Variants in BSPH1 observed in about 807,000 individuals in gnomAD.
BSPH1 encodes binder of sperm 1.
BSPH1 carries 21 observed loss-of-function variants against 22.5 expected under a neutral mutation model. The observed-to-expected ratio is 0.93, with a 90% confidence interval of 0.66 to 1.35. The LOEUF is 1.35. BSPH1 is among the 40% of genes most tolerant of loss of function. The pLI, the probability that BSPH1 is intolerant of heterozygous loss-of-function variation, is 0.00. For missense variants in BSPH1, 141 were observed against 154.2 expected, an observed-to-expected ratio of 0.91 and a Z score of 0.45; for synonymous variants, 42 against 53.6, an observed-to-expected ratio of 0.78 and a Z score of 0.95.
At chr19:47,986,111 C>A (rs564067645) in intron 1 of BSPH1, among the ~76,000 whole-genome samples, 1 of 152,294 alleles carries the variant, frequency 6.6e-6, no homozygotes, top group African/African-American at 2.4e-5. Flanking sequence ...GCAGTGGCCT[C>A]CCTATCGTGG....
intron 1 of BSPH1, among the ~76,000 whole-genome samples, chr19:47,982,808 A>T (rs901176501): frequency 1.9e-4 from 29 of 152,210 alleles, no homozygotes; most frequent in African/African-American, 7.0e-4. Context: ...ATGCCACCAC[A>T]TGGATGCACT....
chr19:47,978,037 G>GTTATAT (rs1969384719), intron 3 of BSPH1, among the ~76,000 whole-genome samples: 1 of 134,902 alleles, frequency 7.4e-6, no homozygotes, highest in Non-Finnish European at 1.6e-5. Context: ...TATAGTTATA[G>GTTATAT]GTGCATACAC....
rs575762926 is a variant in BSPH1, at chr19:47,973,551, T to A, written c.*2+3159A>T. Among the ~76,000 whole-genome samples the A allele has an allele frequency of 4.1e-4, 63 of 152,264 alleles. No homozygotes were observed. In the South Asian group the frequency reaches 0.013, roughly 31 times the overall value. On this transcript the variant is annotated intron_variant, in intron 5 of 5. Coordinates refer to ENST00000344839, the MANE Select transcript of BSPH1 (RefSeq NM_001128326.2). ...ATTTTATTCTGCAAATATTTTGAGGTTAAGAGAAAGGGGAAGCTGGTTGAA... is the reference window on the plus strand; with the variant it reads ...ATTTTATTCTGCAAATATTTTGAGGATAAGAGAAAGGGGAAGCTGGTTGAA...
chr19:47,985,078 AG>A (rs71334246), intron 1 of BSPH1, among the ~76,000 whole-genome samples: 21,185 of 82,436 alleles, frequency 0.26, 1,970 homozygotes, highest in African/African-American at 0.37. Context: ...AAAAAAAAAA[AG>A]AAAGAAAAAG....
At chr19:47,967,767 A>T (rs371914266), downstream of BSPH1, among the ~76,000 whole-genome samples, 1 of 152,228 alleles carries the variant, frequency 6.6e-6, no homozygotes, top group South Asian at 2.1e-4. Flanking sequence ...AATTTTGGAA[A>T]GGACACAGTT....
At chr19:47,969,684 GGAGAGA>G (rs10589898) in intron 5 of BSPH1, among the ~76,000 whole-genome samples, 1,944 of 113,856 alleles carry the variant, frequency 0.017, 29 homozygotes, top group South Asian at 0.025. Context: ...AGGGAGAGGG[GGAGAGA>G]GAGAGAGAGA....
intron 1 of BSPH1, among the ~76,000 whole-genome samples, chr19:47,990,440 T>C (rs1045223225): frequency 2.6e-5 from 4 of 152,146 alleles, no homozygotes; most frequent in African/African-American, 9.7e-5. Flanking sequence ...CACTTATCTA[T>C]ATTCCTTTTT....
At chr19:47,972,277 A>T (rs10853794) in intron 5 of BSPH1, among the ~76,000 whole-genome samples, 6 of 148,734 alleles carry the variant, frequency 4.0e-5, no homozygotes, top group Admixed American at 6.7e-5. Flanking sequence ...TAACCTTGAT[A>T]TTCTTTTTTT....
intron 1 of BSPH1, among the ~76,000 whole-genome samples, chr19:47,988,181 T>C (rs1426177320): frequency 6.6e-6 from 1 of 152,130 alleles, no homozygotes; most frequent in African/African-American, 2.4e-5. Flanking sequence ...AAGTTTAAAG[T>C]AGTTAAACTC....
chr19:47,977,570 C>A, intron 3 of BSPH1, 66 bp from the exon 4 acceptor site: 1 of 1,528,934 alleles, frequency 6.5e-7, no homozygotes, highest in South Asian at 1.3e-5. Flanking sequence ...AAGCGACTGT[C>A]TTCCTAGGCG....
intron 5 of BSPH1, among the ~76,000 whole-genome samples, chr19:47,968,681 T>A (rs1340201679): frequency 4.3e-5 from 4 of 92,238 alleles, no homozygotes; most frequent in African/African-American, 4.3e-5. Context: ...GACCCTGTCT[T>A]AAAAAAAAAA....
chr19:47,968,685 A>T (rs2122234496), intron 5 of BSPH1, among the ~76,000 whole-genome samples: 1 of 118,774 alleles, frequency 8.4e-6, no homozygotes, highest in East Asian at 3.8e-4. Flanking sequence ...CTGTCTTAAA[A>T]AAAAAAAAAA....
Position 47,978,778 on chromosome 19 carries a change from A to T in BSPH1, c.124+792T>A, listed in dbSNP as rs149228040. Among the ~76,000 whole-genome samples, 542 of 152,354 alleles carry T rather than the reference A, an allele frequency of 3.6e-3. 1 individual carries two copies. The highest frequency in any genetic ancestry group is 0.012 in the African/African-American group (497 of 41,586). The stretch of plus-strand genomic sequence containing the variant: ...AAAGATCTACTGGTCTTTAGGCCAT[A>T]CATATATTTTCCATTTTCTTCTTAA... On this transcript the variant is annotated intron_variant, in intron 3 of 5. Transcript: ENST00000344839.
chr19:47,970,407 A>G (rs771586124), intron 5 of BSPH1, among the ~76,000 whole-genome samples: 11 of 152,142 alleles, frequency 7.2e-5, no homozygotes, highest in Non-Finnish European at 1.0e-4. Flanking sequence ...TTTTTCAGAT[A>G]TGTGGGTTGG....
intron 1 of BSPH1, among the ~76,000 whole-genome samples, chr19:47,991,260 C>A (rs1197736992): frequency 1.3e-5 from 2 of 152,098 alleles, no homozygotes; most frequent in Non-Finnish European, 2.9e-5. Flanking sequence ...GCCCCATGTG[C>A]CGGGCCATGC....
At position 47,977,423 on chromosome 19, in the gene BSPH1, C is replaced by G. The variant is rs1039640919; in HGVS notation, c.206G>C (p.Cys69Ser). 22 of 1,552,184 alleles carry G rather than the reference C, an allele frequency of 1.4e-5. No homozygotes were observed. The highest frequency in any genetic ancestry group is 1.9e-5 in the Non-Finnish European group (22 of 1,147,094). Reference protein sequence around the residue: ...CIKSKARHKWCSLNKTYEGYW... With the variant: ...CIKSKARHKWSSLNKTYEGYW... ...TCCTTCGTAGGTCTTGTTTAACGAGCACCACTTGTGTCTTGCCTTGGACTT... is the reference window on the plus strand; with the variant it reads ...TCCTTCGTAGGTCTTGTTTAACGAGGACCACTTGTGTCTTGCCTTGGACTT... Residue 69 changes from cysteine (C) to serine (S), a missense_variant, in exon 4 of 6, where the codon TGC becomes TCC. Physicochemically the swap from Cys to Ser is moderately radical, Grantham distance 112 (BLOSUM62 -1). Coordinates refer to ENST00000344839, the MANE Select transcript of BSPH1 (RefSeq NM_001128326.2).
At chr19:47,986,444 G>A (rs1969471694) in intron 1 of BSPH1, among the ~76,000 whole-genome samples, 1 of 152,114 alleles carries the variant, frequency 6.6e-6, no homozygotes, top group Non-Finnish European at 1.5e-5. Flanking sequence ...GTTTTGTGCT[G>A]TAGAATTTTA....
At chr19:47,986,259 C>A (rs1455032107) in intron 1 of BSPH1, among the ~76,000 whole-genome samples, 1 of 152,088 alleles carries the variant, frequency 6.6e-6, no homozygotes, top group African/African-American at 2.4e-5. Flanking sequence ...TGGAATACAG[C>A]ACAAGATAGA....
chr19:47,969,810 T>TTG (rs1195745886), intron 5 of BSPH1, among the ~76,000 whole-genome samples: 1 of 145,026 alleles, frequency 6.9e-6, no homozygotes, highest in Admixed American at 6.9e-5. Context: ...CAGAATTTAT[T>TTG]TGTGTGTGTG....
Sources: gnomAD v4.1 joint callset for allele counts (sites outside exome capture counted in the v4.1 genomes callset) on GRCh38, gnomAD v4.1.1 for gene constraint, MANE v1.5 for transcripts, NCBI Gene and HGNC (gene_info 2026-07-23, HGNC 2026-07-21) for gene names.